TNIK: variants seen among roughly 807,000 people sequenced by gnomAD.
TNIK encodes TRAF2 and NCK-interacting protein kinase.
In TNIK, 49 loss-of-function variants were observed where a neutral mutation model predicts 191.3. The ratio of observed to expected loss-of-function variants is 0.26; its 90% confidence interval spans 0.20 to 0.32. The LOEUF (loss-of-function observed/expected upper bound fraction) is 0.32, where lower values mean the gene tolerates loss of function less well. TNIK is among the 10% of genes least tolerant of loss of function. TNIK has a pLI of 1.00. For synonymous variants in TNIK, 594 were observed against 600.9 expected (o/e 0.99, Z 0.17); for missense variants, 1,155 against 1,702.3 (o/e 0.68, Z 5.66).
intron 2 of TNIK, among the ~76,000 whole-genome samples, chr3:171,259,908 C>T (rs909142927): frequency 7.9e-5 from 12 of 152,114 alleles, no homozygotes; most frequent in African/African-American, 2.7e-4. Flanking sequence ...TTGGCTGTTG[C>T]GTGCCATATA....
chr3:171,264,095 CACACACACACACACACATATAT>C lies in TNIK; in HGVS notation c.124-35896_124-35875del, dbSNP rs1237912136. On this transcript the variant is annotated intron_variant, in intron 2 of 32. Transcript: ENST00000436636. ...ACACACACACACACACACACACACA[CACACACACACACACACATATAT>C]ATATATATATATATACACCCCTTAC... Among the ~76,000 whole-genome samples, 633 of 90,040 alleles carry C rather than the reference CACACACACACACACACATATAT, an allele frequency of 7.0e-3. 5 individuals are homozygous for C. The highest frequency in any genetic ancestry group is 0.022 in the African/African-American group (599 of 26,790). 59.1% of individuals were successfully genotyped at this position (90,040 alleles called of 152,430 possible).
chr3:171,302,363 G>A (rs945817671), intron 2 of TNIK, among the ~76,000 whole-genome samples: 3 of 152,134 alleles, frequency 2.0e-5, no homozygotes, highest in African/African-American at 7.2e-5. Context: ...TATAGACTTA[G>A]AATAAATATG....
intron 23 of TNIK, among the ~76,000 whole-genome samples, chr3:171,091,306 G>A (rs540263339): frequency 1.3e-5 from 2 of 152,252 alleles, no homozygotes; most frequent in South Asian, 4.1e-4. Context: ...CTTCTCCGCT[G>A]GTTGAAGTGG....
At chr3:171,327,928 A>AAAAAAAAAAAAAAAC (rs1560433753) in intron 2 of TNIK, among the ~76,000 whole-genome samples, 6 of 129,498 alleles carry the variant, frequency 4.6e-5, no homozygotes, top group African/African-American at 1.9e-4. Context: ...AAAAAAAAAA[A>AAAAAAAAAAAAAAAC]AAATCACTTG....
intron 2 of TNIK, among the ~76,000 whole-genome samples, chr3:171,230,117 G>C (rs1210135794): frequency 6.6e-6 from 1 of 152,206 alleles, no homozygotes; most frequent in African/African-American, 2.4e-5. Flanking sequence ...GATTGATAGG[G>C]AGAGAAGTGC....
intron 28 of TNIK, among the ~76,000 whole-genome samples, chr3:171,074,804 A>T (rs940058333): frequency 6.6e-6 from 1 of 152,220 alleles, no homozygotes; most frequent in Admixed American, 6.5e-5. Flanking sequence ...CTGGAATTTC[A>T]TAGGGGAAGC....
chr3:171,090,373 C>T (rs1182999267), intron 23 of TNIK, among the ~76,000 whole-genome samples: 1 of 151,992 alleles, frequency 6.6e-6, no homozygotes, highest in Non-Finnish European at 1.5e-5. Context: ...ATTTCTGATA[C>T]CTACCCTCTC....
intron 1 of TNIK, among the ~76,000 whole-genome samples, chr3:171,440,650 A>G (rs1413456092): frequency 6.6e-6 from 1 of 152,254 alleles, no homozygotes; most frequent in Admixed American, 6.5e-5. Context: ...CATTTCATTA[A>G]TAAATGGATA....
intron 2 of TNIK, among the ~76,000 whole-genome samples, chr3:171,340,527 G>A (rs1359573018): frequency 6.6e-6 from 1 of 152,160 alleles, no homozygotes; most frequent in East Asian, 1.9e-4. Flanking sequence ...GTAGGGTACT[G>A]CCTGATCCCA....
intron 26 of TNIK, 167 bp from the exon 27 acceptor site, chr3:171,082,561 A>G: frequency 2.6e-6 from 2 of 765,894 alleles, no homozygotes; most frequent in South Asian, 2.6e-5. Context: ...TAATTAAATC[A>G]TTGTACTTCT....
chr3:171,123,691 T>C lies in TNIK; in HGVS notation c.2025A>G (p.Arg675=), dbSNP rs139405029. Residue 675 remains arginine (R), a synonymous_variant, in exon 18 of 33, where the codon AGA becomes AGG. Transcript: ENST00000436636. ...EEDIPPKVPQ[R]TTSISPALAR... Reference sequence around the variant, plus strand: ...CTAATGCTGGGGATATAGAAGTTGTTCTTTGAGGCACCTGGAAGAAACCAG... The same window carrying C: ...CTAATGCTGGGGATATAGAAGTTGTCCTTTGAGGCACCTGGAAGAAACCAG... The C allele has an allele frequency of 4.9e-4, 764 of 1,568,900 alleles. 1 individual carries two copies. The highest frequency in any genetic ancestry group is 6.0e-4 in the Non-Finnish European group (690 of 1,154,870).
At chr3:171,284,218 C>T (rs1311113622) in intron 2 of TNIK, among the ~76,000 whole-genome samples, 1 of 152,028 alleles carries the variant, frequency 6.6e-6, no homozygotes, top group Non-Finnish European at 1.5e-5. Context: ...CATTCTAGAG[C>T]AACACAATTT....
At chr3:171,131,960 C>CAAAAAAAG (rs1729366003) in intron 15 of TNIK, among the ~76,000 whole-genome samples, 1 of 151,926 alleles carries the variant, frequency 6.6e-6, no homozygotes, top group Admixed American at 6.6e-5. Context: ...ATATGTGAGA[C>CAAAAAAAG]AAAAAAAGAA....
intron 2 of TNIK, among the ~76,000 whole-genome samples, chr3:171,333,322 G>T (rs1756595596): frequency 6.6e-6 from 1 of 152,058 alleles, no homozygotes; most frequent in Non-Finnish European, 1.5e-5. Flanking sequence ...TTGGTAGGCT[G>T]AGGTGGGCAG....
At chr3:171,145,088 CTTT>C (rs71176594) in intron 12 of TNIK, among the ~76,000 whole-genome samples, 8 of 132,638 alleles carry the variant, frequency 6.0e-5, no homozygotes, top group East Asian at 2.1e-4. Context: ...CTATCTCTCT[CTTT>C]TTTTTTTTTT....
intron 1 of TNIK, among the ~76,000 whole-genome samples, chr3:171,370,905 A>G (rs1202799698): frequency 6.6e-6 from 1 of 152,204 alleles, no homozygotes; most frequent in Non-Finnish European, 1.5e-5. Context: ...GCCTGTCTCT[A>G]CTGGACACTT....
At chr3:171,209,608 T>C (rs1740536456) in intron 4 of TNIK, among the ~76,000 whole-genome samples, 1 of 152,174 alleles carries the variant, frequency 6.6e-6, no homozygotes, top group Non-Finnish European at 1.5e-5. Context: ...TGTTGAATCT[T>C]CATATTTACA....
intron 20 of TNIK, 145 bp downstream of exon 20, chr3:171,107,920 T>C: frequency 1.3e-6 from 1 of 743,716 alleles, no homozygotes; most frequent in Non-Finnish European, 2.1e-6. Flanking sequence ...TAATCAGGTA[T>C]GACTTTCTTC....
intron 1 of TNIK, among the ~76,000 whole-genome samples, chr3:171,419,362 TGAAG>T (rs1375844285): frequency 1.7e-4 from 26 of 152,182 alleles, no homozygotes; most frequent in Non-Finnish European, 5.9e-5. Flanking sequence ...GGGATAGAGT[TGAAG>T]GAAATGTGGA....
Sources: gnomAD v4.1 joint callset for allele counts (sites outside exome capture counted in the v4.1 genomes callset) on GRCh38, gnomAD v4.1.1 for gene constraint, MANE v1.5 for transcripts, NCBI Gene and HGNC (gene_info 2026-07-23, HGNC 2026-07-21) for gene names.